Variants in NALF1 observed in about 807,000 individuals in gnomAD.
NALF1 encodes the protein NALCN channel auxiliary factor 1.
In NALF1, 3 loss-of-function variants were observed where a neutral mutation model predicts 48.4. That is an observed-to-expected ratio of 0.06 (90% CI 0.03 to 0.16). The LOEUF (loss-of-function observed/expected upper bound fraction) is 0.16, where lower values mean the gene tolerates loss of function less well. NALF1 is among the 10% of genes least tolerant of loss of function. The pLI is 1.00. For synonymous variants in NALF1, 262 were observed against 245.7 expected (o/e 1.07, Z -0.62); for missense variants, 526 against 571.5 (o/e 0.92, Z 0.81).
intron 1 of NALF1, among the ~76,000 whole-genome samples, chr13:107,436,499 A>G (rs1884466291): frequency 6.6e-6 from 1 of 152,204 alleles, no homozygotes. Context: ...TAGTCAATGC[A>G]GTAAAAGCAT....
At chr13:107,337,056 A>C (rs1882572950) in intron 1 of NALF1, among the ~76,000 whole-genome samples, 2 of 10,628 alleles carry the variant, frequency 1.9e-4, no homozygotes, top group Non-Finnish European at 1.2e-3. Flanking sequence ...AAAAAAAAAA[A>C]AAAAAAAAAA....
At chr13:107,271,608 G>T (rs1489534158) in intron 1 of NALF1, among the ~76,000 whole-genome samples, 1 of 120,000 alleles carries the variant, frequency 8.3e-6, no homozygotes, top group Non-Finnish European at 1.9e-5. Context: ...AGCAAGTGGG[G>T]GTCATTTTAA....
intron 1 of NALF1, among the ~76,000 whole-genome samples, chr13:107,792,358 G>A (rs562958591): frequency 2.7e-4 from 41 of 152,124 alleles, no homozygotes; most frequent in African/African-American, 5.8e-4. Context: ...CACTTTTCAG[G>A]AGAACTAAAG....
chr13:107,429,921 A>T (rs534542530), intron 1 of NALF1, among the ~76,000 whole-genome samples: 1 of 152,202 alleles, frequency 6.6e-6, no homozygotes, highest in Non-Finnish European at 1.5e-5. Context: ...GAATTTTTCT[A>T]TGCCCTAGCT....
intron 1 of NALF1, among the ~76,000 whole-genome samples, chr13:107,418,295 G>T (rs754501529): frequency 6.6e-6 from 1 of 151,904 alleles, no homozygotes; most frequent in East Asian, 1.9e-4. Flanking sequence ...CCCTCCCCTC[G>T]AGTGTGAGCA....
chr13:107,477,934 C>T (rs892452440), intron 1 of NALF1, among the ~76,000 whole-genome samples: 5 of 152,110 alleles, frequency 3.3e-5, no homozygotes, highest in African/African-American at 1.2e-4. Context: ...AGAAGCCTAA[C>T]TTCAGCAGAT....
At chr13:107,799,668 T>C (rs1323725987) in intron 1 of NALF1, among the ~76,000 whole-genome samples, 3 of 152,180 alleles carry the variant, frequency 2.0e-5, no homozygotes, top group Non-Finnish European at 4.4e-5. Flanking sequence ...GCTTTAAGAA[T>C]AGAAACTGCA....
chr13:107,439,293 C>T (rs1884517893), intron 1 of NALF1, among the ~76,000 whole-genome samples: 1 of 152,070 alleles, frequency 6.6e-6, no homozygotes, highest in Non-Finnish European at 1.5e-5. Flanking sequence ...TAACATCTAA[C>T]GAAAAATACA....
chr13:107,454,094 T>C (rs1246100382), intron 1 of NALF1, among the ~76,000 whole-genome samples: 1 of 152,186 alleles, frequency 6.6e-6, no homozygotes, highest in Non-Finnish European at 1.5e-5. Flanking sequence ...TCAACAAGTT[T>C]CTAGGAAGTT....
At chr13:107,227,174 T>C (rs990239866) in intron 1 of NALF1, among the ~76,000 whole-genome samples, 1 of 152,244 alleles carries the variant, frequency 6.6e-6, no homozygotes, top group African/African-American at 2.4e-5. Context: ...ATTCTGTTTG[T>C]GCATCATGCA....
chr13:107,579,754 TG>T (rs1878251474), intron 1 of NALF1, among the ~76,000 whole-genome samples: 1 of 152,042 alleles, frequency 6.6e-6, no homozygotes, highest in Non-Finnish European at 1.5e-5. Flanking sequence ...ACATGTGCCA[TG>T]CTGGTGTGCT....
chr13:107,639,121 A>T (rs1880076088), intron 1 of NALF1, among the ~76,000 whole-genome samples: 1 of 152,204 alleles, frequency 6.6e-6, no homozygotes, highest in Non-Finnish European at 1.5e-5. Flanking sequence ...GCTCCTATGA[A>T]GAGATAATTT....
chr13:107,833,085 G>A (rs867419313), intron 1 of NALF1, among the ~76,000 whole-genome samples: 1 of 152,222 alleles, frequency 6.6e-6, no homozygotes, highest in Non-Finnish European at 1.5e-5. Context: ...AATGGTACCC[G>A]CCCTGCAGTT....
intron 1 of NALF1, among the ~76,000 whole-genome samples, chr13:107,605,652 T>C (rs1273060586): frequency 6.6e-6 from 1 of 152,174 alleles, no homozygotes; most frequent in Non-Finnish European, 1.5e-5. Flanking sequence ...TCCATCTATG[T>C]ACATATGACA....
At chr13:107,449,406 C>T (rs967853727) in intron 1 of NALF1, among the ~76,000 whole-genome samples, 1 of 151,770 alleles carries the variant, frequency 6.6e-6, no homozygotes, top group Non-Finnish European at 1.5e-5. Flanking sequence ...ACAATGGAAA[C>T]ATAAAGAAAG....
At chr13:107,503,494 G>A (rs72652726) in intron 1 of NALF1, among the ~76,000 whole-genome samples, 46,696 of 151,728 alleles carry the variant, frequency 0.31, 7,324 homozygotes, top group Non-Finnish European at 0.33. Flanking sequence ...TTAATACACT[G>A]TTGGTGGGAA....
At chr13:107,378,425 T>C (rs1258607731) in intron 1 of NALF1, among the ~76,000 whole-genome samples, 3 of 152,100 alleles carry the variant, frequency 2.0e-5, no homozygotes, top group African/African-American at 7.2e-5. Flanking sequence ...CATGTCTATA[T>C]ATATAAATGA....
intron 1 of NALF1, among the ~76,000 whole-genome samples, chr13:107,716,617 C>A (rs1028038920): frequency 1.3e-5 from 2 of 152,184 alleles, no homozygotes; most frequent in Non-Finnish European, 2.9e-5. Flanking sequence ...ATACTTCCTT[C>A]CCCAAAGTGG....
chr13:107,312,901 A>G (rs1483189671), intron 1 of NALF1, among the ~76,000 whole-genome samples: 1 of 152,208 alleles, frequency 6.6e-6, no homozygotes, highest in Non-Finnish European at 1.5e-5. Flanking sequence ...CTAAATAATA[A>G]TAAGTACCAC....
Sources: allele counts gnomAD v4.1 joint callset (sites outside exome capture counted in the v4.1 genomes callset), GRCh38; gene constraint gnomAD v4.1.1; transcripts MANE v1.5; gene names NCBI Gene and HGNC (gene_info 2026-07-23, HGNC 2026-07-21).